ICA1: variants seen among roughly 807,000 people sequenced by gnomAD.
ICA1 encodes 69 kDa islet cell autoantigen.
Under a neutral mutation model 71.0 loss-of-function variants are expected in ICA1, and 40 were observed. That is an observed-to-expected ratio of 0.56 (90% CI 0.44 to 0.73). The LOEUF (loss-of-function observed/expected upper bound fraction) is 0.73. Ranked by LOEUF, ICA1 falls within the 30% of genes least tolerant of loss-of-function variation. The pLI, the probability that ICA1 is intolerant of heterozygous loss-of-function variation, is 0.00. For missense variants in ICA1, 578 were observed against 576.5 expected (o/e 1.00, Z -0.03); for synonymous variants, 207 against 209.5 (o/e 0.99, Z 0.10).
chr7:8,211,576 T>C (rs1350847356), intron 6 of ICA1, among the ~76,000 whole-genome samples: 1 of 152,138 alleles, frequency 6.6e-6, no homozygotes, highest in African/African-American at 2.4e-5. Context: ...AATTGGACTG[T>C]CTGGGGCCAA....
intron 5 of ICA1, among the ~76,000 whole-genome samples, chr7:8,219,328 G>C (rs534985879): frequency 1.3e-5 from 2 of 152,196 alleles, no homozygotes; most frequent in South Asian, 4.1e-4. Context: ...TGAAGTTTCA[G>C]GGCACAGGTG....
chr7:8,167,245 T>A (rs1471937798), intron 6 of ICA1, among the ~76,000 whole-genome samples: 2 of 151,558 alleles, frequency 1.3e-5, no homozygotes, highest in Non-Finnish European at 2.9e-5. Context: ...AGTGGTAGAG[T>A]GGATAAGGAA....
At chr7:8,129,505 A>C (rs941383729) in intron 12 of ICA1, among the ~76,000 whole-genome samples, 10 of 152,172 alleles carry the variant, frequency 6.6e-5, no homozygotes, top group African/African-American at 2.4e-4. Context: ...GAGGGGAAGA[A>C]TCTAGTCACT....
At chr7:8,241,848 T>C (rs1404913524) in intron 1 of ICA1, among the ~76,000 whole-genome samples, 2 of 152,118 alleles carry the variant, frequency 1.3e-5, no homozygotes, top group Admixed American at 1.3e-4. Context: ...AAGGGGTCAA[T>C]TCGACAAGAA....
intron 8 of ICA1, among the ~76,000 whole-genome samples, chr7:8,150,741 C>CT (rs1029171181): frequency 2.6e-5 from 4 of 152,204 alleles, no homozygotes; most frequent in African/African-American, 9.7e-5. Context: ...ACAAATCATG[C>CT]TTTTTTGCCT....
In ICA1 at chr7:8,132,022, C is replaced by T. The variant is rs892128263; in HGVS notation, c.1061-3880G>A. Among the ~76,000 whole-genome samples, 9 of 152,146 alleles carry T rather than the reference C, an allele frequency of 5.9e-5. No individual in the cohort carries two copies. Among genetic ancestry groups the T allele is most frequent in the African/African-American group, 2.2e-4 (9 of 41,428 alleles). On this transcript the variant is annotated intron_variant, in intron 12 of 13. Coordinates refer to ENST00000402384, the MANE Select transcript of ICA1 (RefSeq NM_001136020.3). The surrounding 1 kb of genome is among the most constrained non-coding windows in gnomAD (Gnocchi z 4.5). Reference sequence around the variant, plus strand: ...GTTGAGGATCTCTCAGGTGCCAAACCCACAGATGCTACACCAAGTTCCCTT... The same window carrying T: ...GTTGAGGATCTCTCAGGTGCCAAACTCACAGATGCTACACCAAGTTCCCTT...
intron 12 of ICA1, among the ~76,000 whole-genome samples, chr7:8,134,060 T>A (rs1280892281): frequency 1.3e-5 from 2 of 152,174 alleles, no homozygotes; most frequent in African/African-American, 4.8e-5. Context: ...ATTAAGGATC[T>A]CATGTATAAA....
intron 12 of ICA1, among the ~76,000 whole-genome samples, chr7:8,129,595 TTG>T (rs1356534759): frequency 2.0e-5 from 3 of 152,214 alleles, no homozygotes; most frequent in African/African-American, 7.2e-5. Flanking sequence ...TTCTTATTGT[TTG>T]TGTTATCACA....
rs1318789680 is a variant in ICA1 at position 8,252,771 on chromosome 7, T to C, written c.-80+9323A>G. ...ATATATTCTGCTTTATATTTAATTA[T>C]ATTTTTTGCTTATTTATTACTTTTT... On this transcript the variant is annotated intron_variant, in intron 1 of 13. Transcript: ENST00000402384. Among the ~76,000 whole-genome samples the C allele has an allele frequency of 2.6e-5, 4 of 151,576 alleles. No individual in the cohort carries two copies. The East Asian group carries it at 5.8e-4, about 22-fold the overall frequency.
rs114692852 is a variant in ICA1 at position 8,203,257 on chromosome 7, T to C, written c.579+15048A>G. The stretch of plus-strand genomic sequence containing the variant: ...ATGCATGTAAGTACTAAAAAGCACA[T>C]TAAGCCTTAATATAGTAGAGTTCCT... On this transcript the variant is annotated intron_variant, in intron 6 of 13. Transcript: ENST00000402384. Among the ~76,000 whole-genome samples, 959 of 152,290 alleles carry C rather than the reference T, an allele frequency of 6.3e-3. 7 individuals are homozygous for C. The highest frequency in any genetic ancestry group is 0.022 in the African/African-American group (912 of 41,556).
chr7:8,218,457 T>C lies in ICA1; in HGVS notation c.427A>G (p.Thr143Ala). Reference protein sequence around the residue: ...PLCRFHQEVETFRHRAISDTW... With the variant: ...PLCRFHQEVEAFRHRAISDTW... The stretch of plus-strand genomic sequence containing the variant: ...TCTGAGATGGCCCGATGCCGAAAAG[T>C]CTCCACTTCTTGGTGAAATCGACAC... Residue 143 changes from threonine (T) to alanine (A), a missense_variant, in exon 6 of 14, where the codon ACT (threonine) becomes GCT (alanine). Transcript: ENST00000402384. 1.9e-6 allele frequency: 3 copies of C among 1,614,030 alleles called. No homozygotes were observed. The highest frequency in any genetic ancestry group is 8.5e-7 in the Non-Finnish European group (1 of 1,179,996).
At chr7:8,252,263 C>G (rs551306483) in intron 1 of ICA1, among the ~76,000 whole-genome samples, 4 of 152,164 alleles carry the variant, frequency 2.6e-5, no homozygotes, top group South Asian at 2.1e-4. Context: ...AATGAAGGAA[C>G]ACCCTAATCA....
At chr7:8,114,121 C>T (rs1784020167) in intron 13 of ICA1, 77 bp from the exon 14 acceptor site, 1 of 1,479,796 alleles carries the variant, frequency 6.8e-7, no homozygotes, top group South Asian at 1.1e-5. Flanking sequence ...CAGGCAGGTC[C>T]AGGTCATCTT....
At chr7:8,183,952 T>C (rs1783078414) in intron 6 of ICA1, among the ~76,000 whole-genome samples, 1 of 152,244 alleles carries the variant, frequency 6.6e-6, no homozygotes, top group African/African-American at 2.4e-5. Context: ...ACCGCAAGAA[T>C]AAAAAATATA....
intron 1 of ICA1, among the ~76,000 whole-genome samples, chr7:8,237,798 G>A (rs1471058606): frequency 6.7e-6 from 1 of 149,466 alleles, no homozygotes; most frequent in Non-Finnish European, 1.5e-5. Flanking sequence ...ATATTGCATT[G>A]TATATGCAAT....
At chr7:8,164,163 G>A (rs1187161785) in intron 6 of ICA1, among the ~76,000 whole-genome samples, 2 of 151,996 alleles carry the variant, frequency 1.3e-5, no homozygotes, top group Non-Finnish European at 2.9e-5. Context: ...AAATTTGATA[G>A]TGTGGTGGTA....
At chr7:8,193,846 A>G (rs536459678) in intron 6 of ICA1, among the ~76,000 whole-genome samples, 2 of 152,302 alleles carry the variant, frequency 1.3e-5, no homozygotes, top group East Asian at 3.9e-4. Flanking sequence ...TATAAAGAAA[A>G]GAGGAGATGA....
intron 2 of ICA1, 152 bp from the exon 3 acceptor site, chr7:8,232,907 A>C: frequency 1.6e-6 from 1 of 632,308 alleles, no homozygotes; most frequent in Non-Finnish European, 2.5e-6. Flanking sequence ...TGGGTGTTAC[A>C]CCAAGGAAGT....
intron 6 of ICA1, among the ~76,000 whole-genome samples, chr7:8,178,486 T>A (rs181570438): frequency 3.9e-4 from 60 of 152,254 alleles, no homozygotes; most frequent in African/African-American, 1.3e-3. Context: ...TTTAACCTGC[T>A]GCACAGAAAT....
Sources: gnomAD v4.1 joint callset for allele counts (sites outside exome capture counted in the v4.1 genomes callset) on GRCh38, gnomAD v4.1.1 for gene constraint, Gnocchi (gnomAD v3.1) non-coding constraint, MANE v1.5 for transcripts, NCBI Gene and HGNC (gene_info 2026-07-23, HGNC 2026-07-21) for gene names.